The following COL25A1 variants were observed in gnomAD, a reference collection of about 807,000 sequenced individuals.
The protein encoded by COL25A1 is collagen alpha-1(XXV) chain.
In COL25A1, 103 loss-of-function variants were observed where a neutral mutation model predicts 128.4. The observed-to-expected ratio is 0.80, with a 90% CI of 0.68 to 0.94. The LOEUF (loss-of-function observed/expected upper bound fraction) is 0.94. Ranked by LOEUF, COL25A1 falls within the 40% of genes least tolerant of loss-of-function variation. The pLI is 0.00. For missense variants in COL25A1, 745 were observed against 840.0 expected (o/e 0.89, Z 1.40); for synonymous variants, 279 against 277.2 (o/e 1.01, Z -0.06).
chr4:109,063,371 C>A (rs1762145984), intron 3 of COL25A1, among the ~76,000 whole-genome samples: 1 of 151,948 alleles, frequency 6.6e-6, no homozygotes, highest in African/African-American at 2.4e-5. Flanking sequence ...GGCTTGGTAG[C>A]ACGTGCCTGT....
At chr4:108,986,086 C>A (rs948906182) in intron 6 of COL25A1, among the ~76,000 whole-genome samples, 17 of 152,294 alleles carry the variant, frequency 1.1e-4, no homozygotes, top group African/African-American at 3.8e-4. Context: ...TCATTTTCCA[C>A]AAAATCCCTT....
intron 13 of COL25A1, among the ~76,000 whole-genome samples, chr4:108,911,802 GTTT>G (rs61235488): frequency 4.0e-5 from 5 of 124,378 alleles, no homozygotes; most frequent in East Asian, 2.3e-4. Context: ...TTGCTTCGCT[GTTT>G]TTTTTTTTTT....
intron 6 of COL25A1, among the ~76,000 whole-genome samples, chr4:108,981,562 A>C (rs1311174957): frequency 1.3e-5 from 2 of 152,242 alleles, no homozygotes; most frequent in African/African-American, 4.8e-5. Flanking sequence ...AAGTGAAAGT[A>C]GAATTTGAGA....
chr4:109,239,469 C>T (rs1779733409), intron 3 of COL25A1, among the ~76,000 whole-genome samples: 1 of 145,730 alleles, frequency 6.9e-6, no homozygotes, highest in Non-Finnish European at 1.5e-5. Flanking sequence ...GGCTACAAAC[C>T]TGTACAGCAG....
At chr4:109,128,541 T>C (rs891755401) in intron 3 of COL25A1, among the ~76,000 whole-genome samples, 12 of 152,194 alleles carry the variant, frequency 7.9e-5, no homozygotes, top group African/African-American at 2.9e-4. Flanking sequence ...TCCTGAAATT[T>C]ACTCCTGCCT....
At chr4:108,865,098 C>T (rs774386122) in intron 20 of COL25A1, among the ~76,000 whole-genome samples, 2 of 152,088 alleles carry the variant, frequency 1.3e-5, no homozygotes, top group Non-Finnish European at 2.9e-5. Context: ...GAAGATGGTA[C>T]CTTTTAATAC....
At position 108,941,233 on chromosome 4, in the gene COL25A1, T is replaced by A. The variant is rs1748049118; in HGVS notation, c.564+133A>T. 9.1e-6 allele frequency: 5 copies of A among 549,512 alleles called. No individual in the cohort carries two copies. In the South Asian group the frequency reaches 1.6e-4, roughly 17 times the overall value. The allele number at this position is 549,512 out of a possible 1,614,324, so 34.0% of individuals were successfully genotyped here. A position where few individuals can be genotyped will look rare whatever the true frequency, so the allele number is the denominator to read the frequency against. On this transcript the variant is annotated intron_variant, in intron 9 of 37. Transcript: ENST00000399132. ...GCAGCTCACTAAACTTAATTTTGTTTGAGGATATTTCCAAATAAATGCCCA... is the reference window on the plus strand; with the variant it reads ...GCAGCTCACTAAACTTAATTTTGTTAGAGGATATTTCCAAATAAATGCCCA...
intron 3 of COL25A1, among the ~76,000 whole-genome samples, chr4:109,243,605 T>C (rs573803829): frequency 1.1e-3 from 168 of 152,150 alleles, no homozygotes; most frequent in Non-Finnish European, 1.7e-3. Context: ...AAAAACATTC[T>C]TAACATGTTT....
At chr4:109,192,721 G>A (rs12639953) in intron 3 of COL25A1, among the ~76,000 whole-genome samples, 75,591 of 151,828 alleles carry the variant, frequency 0.5, 21,568 homozygotes, top group Non-Finnish European at 0.65. Flanking sequence ...AGGTGTGGTC[G>A]GGGGCACCTG....
chr4:108,819,349 C>G lies in COL25A1; in HGVS notation c.1846-20G>C. On this transcript the variant is annotated intron_variant, in intron 35 of 37. Transcript: ENST00000399132. ...GAATCCCTGTTTGTAAAGATTAACT[C>G]ATAATGTTACTAACACAAGAAATCA... The G allele has an allele frequency of 6.3e-7, 1 of 1,583,288 alleles. No individual in the cohort carries two copies. The highest frequency in any genetic ancestry group is 8.6e-7 in the Non-Finnish European group (1 of 1,159,034).
chr4:109,157,907 G>C (rs746703723), intron 3 of COL25A1, among the ~76,000 whole-genome samples: 3 of 152,194 alleles, frequency 2.0e-5, no homozygotes, highest in Non-Finnish European at 2.9e-5. Context: ...CGGCGCTAAA[G>C]CACATGCAGG....
chr4:108,852,323 T>A, intron 25 of COL25A1, 43 bp from the exon 26 acceptor site: 1 of 1,457,594 alleles, frequency 6.9e-7, no homozygotes. Flanking sequence ...AGTAATTATA[T>A]GTATTAAAAT....
Position 109,193,753 on chromosome 4 carries a change from G to A in COL25A1, c.367+106830C>T, listed in dbSNP as rs577039501. Among the ~76,000 whole-genome samples, 345 of 152,196 alleles carry A rather than the reference G, an allele frequency of 2.3e-3. 1 individual carries two copies. Among genetic ancestry groups the A allele is most frequent in the African/African-American group, 7.6e-3 (317 of 41,528 alleles). ...TGTTGCTCCTGAGTAACACAGATGA[G>A]CTCCAAGAGTCACTAAATACACAAC... On this transcript the variant is annotated intron_variant, in intron 3 of 37. Transcript: ENST00000399132.
At chr4:109,026,282 A>G (rs887498729) in intron 5 of COL25A1, among the ~76,000 whole-genome samples, 2 of 152,184 alleles carry the variant, frequency 1.3e-5, no homozygotes, top group Non-Finnish European at 2.9e-5. Flanking sequence ...GATAAAAAAA[A>G]CCTAAAAACA....
intron 3 of COL25A1, among the ~76,000 whole-genome samples, chr4:109,209,853 G>T (rs1405826280): frequency 6.6e-6 from 1 of 152,006 alleles, no homozygotes; most frequent in Non-Finnish European, 1.5e-5. Context: ...AGAAATTCGA[G>T]ACTAGCCTGG....
chr4:108,889,818 G>T, intron 16 of COL25A1, 85 bp from the exon 17 acceptor site: 1 of 1,167,320 alleles, frequency 8.6e-7, no homozygotes, highest in Non-Finnish European at 1.3e-6. Flanking sequence ...CACCAACACA[G>T]GTACTCAAAG....
At chr4:109,092,906 T>C (rs933189882) in intron 3 of COL25A1, among the ~76,000 whole-genome samples, 2 of 152,118 alleles carry the variant, frequency 1.3e-5, no homozygotes, top group Admixed American at 6.5e-5. Flanking sequence ...TCCTATAGAA[T>C]TGGGGTAAAA....
intron 3 of COL25A1, among the ~76,000 whole-genome samples, chr4:109,226,524 A>G (rs1192431411): frequency 6.6e-6 from 1 of 152,150 alleles, no homozygotes; most frequent in Admixed American, 6.5e-5. Context: ...GTCCCAAGGA[A>G]AAACATCTCA....
At chr4:109,057,898 A>G (rs933117097) in intron 3 of COL25A1, among the ~76,000 whole-genome samples, 19 of 152,190 alleles carry the variant, frequency 1.2e-4, no homozygotes, top group African/African-American at 4.6e-4. Flanking sequence ...GATCACATTC[A>G]TGAGATAACT....
Sources: gnomAD v4.1 joint callset for allele counts (sites outside exome capture counted in the v4.1 genomes callset) on GRCh38, gnomAD v4.1.1 for gene constraint, MANE v1.5 for transcripts, NCBI Gene and HGNC (gene_info 2026-07-23, HGNC 2026-07-21) for gene names.